The following NSF variants were observed in gnomAD, a reference collection of about 807,000 sequenced individuals.
NSF encodes N-ethylmaleimide sensitive factor, vesicle fusing ATPase.
NSF carries 14 observed loss-of-function variants against 50.3 expected under a neutral mutation model. The ratio of observed to expected loss-of-function variants is 0.28; its 90% CI spans 0.18 to 0.44. The LOEUF is 0.44. NSF is among the 20% of genes least tolerant of loss of function. The pLI is 1.00. For synonymous variants in NSF, 109 were observed against 175.7 expected (o/e 0.62, Z 3.00); for missense variants, 218 against 504.3 (o/e 0.43, Z 5.44).
chr17:46,755,380 A>G lies in NSF; in HGVS notation c.2213+11A>G, dbSNP rs2059222680. The G allele has an allele frequency of 1.9e-6, 3 of 1,609,448 alleles. No homozygotes were observed. Among genetic ancestry groups the G allele is most frequent in the Non-Finnish European group, 2.6e-6 (3 of 1,175,694 alleles). On this transcript the variant is annotated intron_variant, in intron 20 of 20. Transcript: ENST00000398238. ...AAGAGAAGAAGGAGCGTAAGTACAT[A>G]CAACATTTAATGACCATCAACCAAA... is the stretch of plus-strand genomic sequence containing the variant.
intron 17 of NSF, among the ~76,000 whole-genome samples, chr17:46,732,762 A>G (rs1451831817): frequency 6.6e-6 from 1 of 152,200 alleles, no homozygotes; most frequent in Non-Finnish European, 1.5e-5. Flanking sequence ...CTTTATTTCA[A>G]TCAAGTTTCC....
chr17:46,708,616 C>A (rs1440431292), intron 13 of NSF, among the ~76,000 whole-genome samples: 1 of 147,302 alleles, frequency 6.8e-6, no homozygotes, highest in Non-Finnish European at 1.5e-5. Context: ...CTCAGCCTCC[C>A]CAGTAGCTGG....
intron 8 of NSF, among the ~76,000 whole-genome samples, chr17:46,663,048 CTT>C (rs1175323375): frequency 2.3e-5 from 3 of 130,180 alleles, no homozygotes; most frequent in Non-Finnish European, 5.3e-5. Flanking sequence ...TTCTTGATAA[CTT>C]TTATCTTGTT....
At chr17:46,726,656 T>G in intron 16 of NSF, 41 bp downstream of exon 16, 1 of 1,507,096 alleles carries the variant, frequency 6.6e-7, no homozygotes, top group Non-Finnish European at 9.2e-7. Context: ...TTTGCCACAT[T>G]ACAGCTAATA....
chr17:46,725,190 A>G (rs1173693335), intron 15 of NSF, among the ~76,000 whole-genome samples: 2 of 152,234 alleles, frequency 1.3e-5, no homozygotes, highest in East Asian at 1.9e-4. Flanking sequence ...GCAAGATGGA[A>G]TTGGAACTTG....
At chr17:46,742,880 A>G (rs1254422993) in intron 17 of NSF, among the ~76,000 whole-genome samples, 3 of 152,228 alleles carry the variant, frequency 2.0e-5, no homozygotes, top group African/African-American at 7.2e-5. Flanking sequence ...TCTCTGTTGA[A>G]TAATACAAGC....
chr17:46,708,377 A>G (rs1055923682), intron 13 of NSF, among the ~76,000 whole-genome samples: 2 of 152,122 alleles, frequency 1.3e-5, no homozygotes, highest in Non-Finnish European at 2.9e-5. Context: ...TTTTGGTAGT[A>G]GCCATCCTAA....
At chr17:46,739,758 G>A (rs1380040891) in intron 17 of NSF, among the ~76,000 whole-genome samples, 3 of 151,562 alleles carry the variant, frequency 2.0e-5, no homozygotes, top group Non-Finnish European at 4.4e-5. Flanking sequence ...GAGTGCAGTG[G>A]CGCGATCTCA....
chr17:46,619,782 A>AC (rs1375234775), intron 1 of NSF, among the ~76,000 whole-genome samples: 4 of 88,100 alleles, frequency 4.5e-5, no homozygotes. Context: ...AAAAAAAAAA[A>AC]AAAAAAAAAA....
In NSF at chr17:46,719,494, A is replaced by G. The variant is rs1168478932; in HGVS notation, c.1761+5508A>G. Among the ~76,000 whole-genome samples, 1 of 152,212 alleles carries G rather than the reference A, an allele frequency of 6.6e-6. No homozygotes were observed. The highest frequency in any genetic ancestry group is 1.5e-5 in the Non-Finnish European group (1 of 68,038). On this transcript the variant is annotated intron_variant, in intron 15 of 20. Coordinates refer to ENST00000398238, the MANE Select transcript of NSF (RefSeq NM_006178.4). This position sits in a 1 kb window ranked among gnomAD's most constrained non-coding sequence, Gnocchi z 4.3. ...TTGTACTTCTCTTAATTTGCTTATT[A>G]GTGAATCCTTTCTCCATGGATAAAC...
intron 15 of NSF, among the ~76,000 whole-genome samples, chr17:46,716,610 A>G (rs2058773386): frequency 1.3e-5 from 2 of 152,190 alleles, no homozygotes; most frequent in Non-Finnish European, 1.5e-5. Context: ...ATTTTTTTTC[A>G]GAGCACAAAT....
intron 15 of NSF, chr17:46,721,522 GACT>G: frequency 9.6e-7 from 1 of 1,038,634 alleles, no homozygotes; most frequent in South Asian, 1.3e-5. Context: ...GAACTGGGCT[GACT>G]ATACATTCTT....
chr17:46,748,708 A>G (rs145650609), intron 17 of NSF, among the ~76,000 whole-genome samples: 6 of 152,326 alleles, frequency 3.9e-5, no homozygotes, highest in African/African-American at 1.2e-4. Context: ...CTGGAGGGGA[A>G]TTTCTTCAAG....
chr17:46,718,818 T>C (rs1294633928), intron 15 of NSF, among the ~76,000 whole-genome samples: 1 of 152,230 alleles, frequency 6.6e-6, no homozygotes, highest in Admixed American at 6.5e-5. Context: ...GGATATAATA[T>C]GAAATCAATG....
chr17:46,753,085 A>T (rs2059198884), intron 19 of NSF, among the ~76,000 whole-genome samples: 1 of 152,200 alleles, frequency 6.6e-6, no homozygotes, highest in Admixed American at 6.5e-5. Flanking sequence ...CTTCTGTTGG[A>T]TGAATAACTG....
intron 9 of NSF, among the ~76,000 whole-genome samples, chr17:46,676,206 G>A (rs1288770476): frequency 6.8e-6 from 1 of 146,224 alleles, no homozygotes; most frequent in East Asian, 2.2e-4. Context: ...AATGGAAGCT[G>A]GGAAATCTCC....
intron 13 of NSF, among the ~76,000 whole-genome samples, chr17:46,707,722 T>A (rs1401230484): frequency 6.6e-6 from 1 of 152,066 alleles, no homozygotes; most frequent in Non-Finnish European, 1.5e-5. Flanking sequence ...TTCTTCCTTT[T>A]TAAGGCTGGA....
chr17:46,724,548 G>A (rs1200278494), intron 15 of NSF, among the ~76,000 whole-genome samples: 1 of 152,144 alleles, frequency 6.6e-6, no homozygotes, highest in Non-Finnish European at 1.5e-5. Context: ...AAGCCCCATA[G>A]TTATGCCTAA....
chr17:46,755,931 T>G lies in NSF; in HGVS notation c.*108T>G. 1 of 1,064,368 alleles carries G rather than the reference T, an allele frequency of 9.4e-7. No individual in the cohort carries two copies. Among genetic ancestry groups the G allele is most frequent in the Non-Finnish European group, 1.4e-6 (1 of 713,764 alleles). The allele number at this position is 1,064,368 out of a possible 1,614,324, so 65.9% of individuals were successfully genotyped here. A position where few individuals can be genotyped will look rare whatever the true frequency, so the allele number is the denominator to read the frequency against. On this transcript the variant is annotated 3_prime_UTR_variant, in exon 21 of 21. Coordinates refer to ENST00000398238, the MANE Select transcript of NSF (RefSeq NM_006178.4). ...ATACTGGACTAAGTGGAACGTTCTC[T>G]ACCTTCAACATGTGCTCGCTCTGCA...
Sources: allele counts gnomAD v4.1 joint callset (sites outside exome capture counted in the v4.1 genomes callset), GRCh38; gene constraint gnomAD v4.1.1; non-coding constraint Gnocchi (gnomAD v3.1); transcripts MANE v1.5; gene names NCBI Gene and HGNC (gene_info 2026-07-23, HGNC 2026-07-21).